Variants in XAB2 observed in about 807,000 individuals in gnomAD.
The protein encoded by XAB2 is XPA binding protein 2.
XAB2 carries 57 observed loss-of-function variants against 113.4 expected under a neutral mutation model. That is an observed-to-expected ratio of 0.50 (90% CI 0.41 to 0.63). The LOEUF (loss-of-function observed/expected upper bound fraction) is 0.63. Ranked by LOEUF, XAB2 falls within the 20% of genes least tolerant of loss-of-function variation. The pLI is 0.00. For missense variants in XAB2, 1,037 were observed against 1,233.3 expected, an observed-to-expected ratio of 0.84 and a Z score of 2.38; for synonymous variants, 497 against 498.8, an observed-to-expected ratio of 1.00 and a Z score of 0.05.
chr19:7,623,028 G>A lies in XAB2; in HGVS notation c.1240-135C>T, dbSNP rs4134848. The A allele has an allele frequency of 1.4e-5, 21 of 1,532,864 alleles. No homozygotes were observed. Among genetic ancestry groups the A allele is most frequent in the Middle Eastern group, 4.0e-4 (2 of 5,026 alleles). The allele number at this position is 1,532,864 out of a possible 1,614,324, so 95.0% of individuals were successfully genotyped here. A position where few individuals can be genotyped will look rare whatever the true frequency, so the allele number is the denominator to read the frequency against. On this transcript the variant is annotated intron_variant, in intron 9 of 18. Coordinates refer to ENST00000358368, the MANE Select transcript of XAB2 (RefSeq NM_020196.3). This position sits in a 1 kb window ranked among gnomAD's most constrained non-coding sequence, Gnocchi z 4.6. ...GGCACACACACAGGCACACACATGC[G>A]TGCACATATGCATGCACCCAAATGC...
intron 1 of XAB2, among the ~76,000 whole-genome samples, 170 bp downstream of exon 1, chr19:7,629,307 T>C (rs1430769140): frequency 6.6e-6 from 1 of 152,244 alleles, no homozygotes; most frequent in Non-Finnish European, 1.5e-5. Flanking sequence ...TTTTTACTCC[T>C]GGACAGTTCG....
In XAB2 at chr19:7,623,889, G is replaced by A. The variant is rs1427345081; in HGVS notation, c.968-7C>T. 49 of 1,559,990 alleles carry A rather than the reference G, an allele frequency of 3.1e-5. No individual in the cohort carries two copies. The highest frequency in any genetic ancestry group is 4.2e-5 in the Non-Finnish European group (48 of 1,156,590). ...AGCTCCAGGTCCACATCATCTGGGA[G>A]CCGCGAACATGTTTGTCAGGGGCGG... On this transcript the variant is annotated splice_region_variant and splice_polypyrimidine_tract_variant and intron_variant, in intron 7 of 18. Transcript: ENST00000358368. The surrounding 1 kb of genome is among the most constrained non-coding windows in gnomAD (Gnocchi z 4.6).
Position 7,625,298 on chromosome 19 carries a change from T to G in XAB2, c.822+582A>C, listed in dbSNP as rs2031114874. On this transcript the variant is annotated intron_variant, in intron 6 of 18. Transcript: ENST00000358368. The surrounding 1 kb of genome is among the most constrained non-coding windows in gnomAD (Gnocchi z 5.2). ...GACAGGCAGTAACTGTCACCCTGATTTTACAAATGAAGACACCCCACCTTA... is the reference window on the plus strand; with the variant it reads ...GACAGGCAGTAACTGTCACCCTGATGTTACAAATGAAGACACCCCACCTTA... Among the ~76,000 whole-genome samples the G allele has an allele frequency of 6.6e-6, 1 of 152,066 alleles. No homozygotes were observed. The highest frequency in any genetic ancestry group is 2.1e-4 in the South Asian group (1 of 4,824).
Position 7,628,039 on chromosome 19 carries a change from T to C in XAB2, c.200+111A>G. ...ACCCATCAAGGGATGTACAGGTCAG[T>C]GATGAAACACGAAGCAATCACCCGG... On this transcript the variant is annotated intron_variant, in intron 2 of 18. Transcript: ENST00000358368. This position sits in a 1 kb window ranked among gnomAD's most constrained non-coding sequence, Gnocchi z 4.6. 1 of 1,483,486 alleles carries C rather than the reference T, an allele frequency of 6.7e-7. No homozygotes were observed. The highest frequency in any genetic ancestry group is 1.3e-5 in the South Asian group (1 of 78,920). 91.9% of individuals were successfully genotyped at this position (1,483,486 alleles called of 1,614,324 possible). A position where few individuals can be genotyped will look rare whatever the true frequency, so the allele number is the denominator to read the frequency against.
In XAB2 at chr19:7,619,577, AGGG is replaced by A; in HGVS notation, c.*6_*8del. The A allele has an allele frequency of 1.5e-6, 2 of 1,323,538 alleles. No homozygotes were observed. Among genetic ancestry groups the A allele is most frequent in the African/African-American group, 1.5e-5 (1 of 65,382 alleles). 82.0% of individuals were successfully genotyped at this position (1,323,538 alleles called of 1,614,324 possible). On this transcript the variant is annotated 3_prime_UTR_variant, in exon 19 of 19. Coordinates refer to ENST00000358368, the MANE Select transcript of XAB2 (RefSeq NM_020196.3). ...AGGGGGTGGGGAGGGGGGATGGGGG[AGGG>A]ACGGGTCAGTCTTCCTTCAGGCTCC...
intron 16 of XAB2, 73 bp from the exon 17 acceptor site, chr19:7,620,148 C>T (rs1286940328): frequency 8.2e-6 from 13 of 1,593,890 alleles, no homozygotes; most frequent in Non-Finnish European, 1.0e-5. Context: ...TATCCCAGTC[C>T]CCCAGGTGAT....
At position 7,620,898 on chromosome 19, in the gene XAB2, G is replaced by C. The variant is rs760603022; in HGVS notation, c.1919C>G (p.Ala640Gly). 1.2e-6 allele frequency: 2 copies of C among 1,603,108 alleles called. No homozygotes were observed. Among genetic ancestry groups the C allele is most frequent in the African/African-American group, 2.7e-5 (2 of 74,900 alleles). The change falls in exon 14 of 19, where the codon GCC becomes GGC. Residue 640 changes from alanine (A) to glycine (G), a missense_variant. Coordinates refer to ENST00000358368, the MANE Select transcript of XAB2 (RefSeq NM_020196.3). ...DMFNIYIKRA[A>G]EIYGVTHTRG... Reference sequence around the variant, plus strand: ...GGTGTGGGTGACCCCATAGATCTCGGCCGCCCGCTTGATGTAGATGTTGAA... The same window carrying C: ...GGTGTGGGTGACCCCATAGATCTCGCCCGCCCGCTTGATGTAGATGTTGAA...
At position 7,623,306 on chromosome 19, in the gene XAB2, G is replaced by A; in HGVS notation, c.1120-17C>T. 6.2e-7 allele frequency: 1 copy of A among 1,612,826 alleles called. No homozygotes were observed. Among genetic ancestry groups the A allele is most frequent in the East Asian group, 2.2e-5 (1 of 44,864 alleles). The stretch of plus-strand genomic sequence containing the variant: ...GTTGATGATCTGGGGACAGGAGGGA[G>A]GAGGTCATATAGGACTCAGGACCCT... On this transcript the variant is annotated splice_polypyrimidine_tract_variant and intron_variant, in intron 8 of 18. Coordinates refer to ENST00000358368, the MANE Select transcript of XAB2 (RefSeq NM_020196.3). The surrounding 1 kb of genome is among the most constrained non-coding windows in gnomAD (Gnocchi z 4.6).
Position 7,625,976 on chromosome 19 carries a change from G to A in XAB2, c.726C>T (p.Ala242=). ...PDKVQSLNVD[A]IIRGGLTRFT... ...AGCGGGTGAGGCCCCCGCGGATGAT[G>A]GCGTCCACATTGAGGGACTGTACCT... Residue 242 remains alanine, a synonymous_variant, in exon 6 of 19, where the codon GCC becomes GCT. Coordinates refer to ENST00000358368, the MANE Select transcript of XAB2 (RefSeq NM_020196.3). The surrounding 1 kb of genome is among the most constrained non-coding windows in gnomAD (Gnocchi z 5.2). 2 of 1,613,890 alleles carry A rather than the reference G, an allele frequency of 1.2e-6. No individual in the cohort carries two copies. Among genetic ancestry groups the A allele is most frequent in the Non-Finnish European group, 1.7e-6 (2 of 1,179,932 alleles).
chr19:7,623,947 CCTCCACTCCCCACCCTCA>C lies in XAB2; in HGVS notation c.968-83_968-66del. ...GGATGCAGGTCCCCGGATGCCACCG[CCTCCACTCCCCACCCTCA>C]CTCCGCTCCAGCCCCCAGCCAAGTG... On this transcript the variant is annotated intron_variant, in intron 7 of 18. Transcript: ENST00000358368. The surrounding 1 kb of genome is among the most constrained non-coding windows in gnomAD (Gnocchi z 4.6). 6.8e-7 allele frequency: 1 copy of C among 1,471,826 alleles called. No homozygotes were observed. The highest frequency in any genetic ancestry group is 2.5e-5 in the East Asian group (1 of 40,432). The allele number at this position is 1,471,826 out of a possible 1,614,324, so 91.2% of individuals were successfully genotyped here.
rs542934893 is a variant in XAB2, at chr19:7,624,030, C to T, written c.968-148G>A. ...CACTCAGCTCGGGTGTCCACCTGAG[C>T]CCCACCCCCAGCCCCAGGTACTGTG... On this transcript the variant is annotated intron_variant, in intron 7 of 18. Transcript: ENST00000358368. The surrounding 1 kb of genome is among the most constrained non-coding windows in gnomAD (Gnocchi z 4.2). 2.4e-5 allele frequency: 26 copies of T among 1,064,424 alleles called. No homozygotes were observed. The African/African-American group carries it at 3.9e-4, about 16-fold the overall frequency. 65.9% of individuals were successfully genotyped at this position (1,064,424 alleles called of 1,614,324 possible). A position where few individuals can be genotyped will look rare whatever the true frequency, so the allele number is the denominator to read the frequency against.
At chr19:7,621,344 C>T in intron 12 of XAB2, 47 bp from the exon 13 acceptor site, 12 of 1,597,726 alleles carry the variant, frequency 7.5e-6, no homozygotes, top group Non-Finnish European at 1.0e-5. Context: ...AGATAGAGAC[C>T]ACCAGGCACC....
chr19:7,623,273 G>C lies in XAB2; in HGVS notation c.1136C>G (p.Thr379Arg), dbSNP rs774874562. 6 of 1,613,556 alleles carry C rather than the reference G, an allele frequency of 3.7e-6. No homozygotes were observed. The Admixed American group carries it at 5.0e-5, about 13-fold the overall frequency. ...GRPREIINTYTEAVQTVDPFK... is the reference protein window; with the variant it reads ...GRPREIINTYREAVQTVDPFK... ...GGGGTCCACCGTCTGCACAGCCTCTGTGTAGGTGTTGATGATCTGGGGACA... is the reference window on the plus strand; with the variant it reads ...GGGGTCCACCGTCTGCACAGCCTCTCTGTAGGTGTTGATGATCTGGGGACA... Residue 379 changes from threonine (T) to arginine (R), a missense_variant, in exon 9 of 19, where the codon ACA becomes AGA. Thr to Arg is a moderately conservative substitution (Grantham distance 71). Coordinates refer to ENST00000358368, the MANE Select transcript of XAB2 (RefSeq NM_020196.3). The surrounding 1 kb of genome is among the most constrained non-coding windows in gnomAD (Gnocchi z 4.6).
Position 7,627,441 on chromosome 19 carries a change from C to T in XAB2, c.325-1G>A. 6.2e-7 allele frequency: 1 copy of T among 1,603,138 alleles called. No homozygotes were observed. Among genetic ancestry groups the T allele is most frequent in the Non-Finnish European group, 8.5e-7 (1 of 1,176,092 alleles). On this transcript the variant is annotated splice_acceptor_variant, in intron 3 of 18. Transcript: ENST00000358368. LOFTEE classifies it high-confidence loss of function. The surrounding 1 kb of genome is among the most constrained non-coding windows in gnomAD (Gnocchi z 4.5). Reference sequence around the variant, plus strand: ...AGTAATCTAGCCACAGACGAGGCATCTGGGGGTGTGGGGAGAGGCGGCTGG... The same window carrying T: ...AGTAATCTAGCCACAGACGAGGCATTTGGGGGTGTGGGGAGAGGCGGCTGG...
rs1006760804 is a variant in XAB2, at chr19:7,624,638, G to C, written c.823-193C>G. Among the ~76,000 whole-genome samples the C allele has an allele frequency of 6.6e-6, 1 of 152,150 alleles. No homozygotes were observed. The highest frequency in any genetic ancestry group is 1.5e-5 in the Non-Finnish European group (1 of 68,006). On this transcript the variant is annotated intron_variant, in intron 6 of 18. Transcript: ENST00000358368. This position sits in a 1 kb window ranked among gnomAD's most constrained non-coding sequence, Gnocchi z 4.2. ...ACCCCCGCCCTGCCCTGCACTGCCAGGGTGGTCTTGGGAGCTTCAGGACCT... is the reference window on the plus strand; with the variant it reads ...ACCCCCGCCCTGCCCTGCACTGCCACGGTGGTCTTGGGAGCTTCAGGACCT...
rs749405940 is a variant in XAB2, at chr19:7,620,647, C to T, written c.1994G>A (p.Arg665His). The stretch of plus-strand genomic sequence containing the variant: ...GTCTGCAAACCGCAGGCACATCTCA[C>T]GCGCGTGCTCGTCCGACAGCACCTG... ...AIEVLSDEHA[R>H]EMCLRFADME... is the part of the protein sequence containing the mutation. The change falls in exon 15 of 19, where the codon CGT becomes CAT. Residue 665 changes from arginine (R) to histidine (H), a missense_variant. By Grantham distance (29) the Arg-to-His change is conservative (BLOSUM62 0). Transcript: ENST00000358368. 3.7e-6 allele frequency: 6 copies of T among 1,612,944 alleles called. No homozygotes were observed. Among genetic ancestry groups the T allele is most frequent in the Middle Eastern group, 1.6e-4 (1 of 6,062 alleles).
Position 7,622,639 on chromosome 19 carries a change from C to G in XAB2, c.1394G>C (p.Arg465Pro). The change falls in exon 11 of 19, where the codon CGC (arginine) becomes CCC (proline). Residue 465 changes from arginine (R) to proline (P), a missense_variant. Coordinates refer to ENST00000358368, the MANE Select transcript of XAB2 (RefSeq NM_020196.3). ...LLRKATALPA[R>P]RAEYFDGSEP... ...TGAACCATCAAAGTACTCGGCCCGGCGGGCAGGCAGCGCCGTGGCCTTCTG... is the reference window on the plus strand; with the variant it reads ...TGAACCATCAAAGTACTCGGCCCGGGGGGCAGGCAGCGCCGTGGCCTTCTG... The G allele has an allele frequency of 6.2e-7, 1 of 1,611,528 alleles. No individual in the cohort carries two copies. Among genetic ancestry groups the G allele is most frequent in the African/African-American group, 1.3e-5 (1 of 75,070 alleles).
In XAB2 at chr19:7,623,028, G is replaced by GTGCACATATGCA. The variant is rs1205303455; in HGVS notation, c.1239+130_1240-136dup. The GTGCACATATGCA allele has an allele frequency of 3.1e-5, 48 of 1,532,876 alleles. No homozygotes were observed. The highest frequency in any genetic ancestry group is 4.0e-5 in the Non-Finnish European group (46 of 1,137,804). 95.0% of individuals were successfully genotyped at this position (1,532,876 alleles called of 1,614,324 possible). On this transcript the variant is annotated intron_variant, in intron 9 of 18. Coordinates refer to ENST00000358368, the MANE Select transcript of XAB2 (RefSeq NM_020196.3). This position sits in a 1 kb window ranked among gnomAD's most constrained non-coding sequence, Gnocchi z 4.6. ...GGCACACACACAGGCACACACATGCGTGCACATATGCATGCACCCAAATGC... is the reference window on the plus strand; with the variant it reads ...GGCACACACACAGGCACACACATGCGTGCACATATGCATGCACATATGCATGCACCCAAATGC...
At position 7,626,144 on chromosome 19, in the gene XAB2, T is replaced by C. The variant is rs756400992; in HGVS notation, c.649A>G (p.Asn217Asp). 1 of 1,613,648 alleles carries C rather than the reference T, an allele frequency of 6.2e-7. No individual in the cohort carries two copies. Among genetic ancestry groups the C allele is most frequent in the East Asian group, 2.2e-5 (1 of 44,888 alleles). The part of the protein sequence containing the change: ...ERFVSKAGKS[N>D]YQLWHELCDL... ...GCTCCCGGCAGGCCCACCTGGTAGT[T>C]GGACTTGCCGGCCTTAGACACGAAA... Residue 217 changes from asparagine to aspartate, a missense_variant, in exon 5 of 19, where the codon AAC becomes GAC. Physicochemically the swap from Asn to Asp is conservative, Grantham distance 23. Transcript: ENST00000358368.
Sources: allele counts gnomAD v4.1 joint callset (sites outside exome capture counted in the v4.1 genomes callset), GRCh38; gene constraint gnomAD v4.1.1; non-coding constraint Gnocchi (gnomAD v3.1); transcripts MANE v1.5; gene names NCBI Gene and HGNC (gene_info 2026-07-23, HGNC 2026-07-21).